Variants in KLB observed in about 807,000 individuals in gnomAD.
The protein encoded by KLB is klotho beta.
KLB carries 44 observed loss-of-function variants against 88.4 expected under a neutral mutation model. The ratio of observed to expected loss-of-function variants is 0.50; its 90% CI spans 0.39 to 0.64. KLB has a LOEUF of 0.64. Ranked by LOEUF, KLB falls within the 30% of genes least tolerant of loss-of-function variation. The pLI, the probability that KLB is intolerant of heterozygous loss-of-function variation, is 0.00. For synonymous variants in KLB, 548 were observed against 513.4 expected (o/e 1.07, Z -0.91); for missense variants, 1,137 against 1,304.8 (o/e 0.87, Z 1.98).
intron 1 of KLB, among the ~76,000 whole-genome samples, chr4:39,413,813 A>C (rs937635518): frequency 6.6e-6 from 1 of 152,202 alleles, no homozygotes; most frequent in Non-Finnish European, 1.5e-5. Flanking sequence ...CATGACTTTA[A>C]AAATCTTTGT....
chr4:39,447,244 C>G lies in KLB; in HGVS notation c.2518C>G (p.Arg840Gly). The change falls in exon 4 of 5, where the codon CGC becomes GGC. Residue 840 changes from arginine (R) to glycine (G), a missense_variant. Coordinates refer to ENST00000257408, the MANE Select transcript of KLB (RefSeq NM_175737.4). Reference protein sequence around the residue: ...FVMHEQLAGSRYDSDRDIQFL... With the variant: ...FVMHEQLAGSGYDSDRDIQFL... ...GATGCACGAGCAGCTGGCCGGCAGC[C>G]GCTACGACTCGGACAGGGACATCCA... 6.2e-7 allele frequency: 1 copy of G among 1,614,104 alleles called. No individual in the cohort carries two copies. Among genetic ancestry groups the G allele is most frequent in the Non-Finnish European group, 8.5e-7 (1 of 1,180,028 alleles).
Position 39,446,215 on chromosome 4 carries a change from G to T in KLB, c.1606-117G>T. On this transcript the variant is annotated intron_variant, in intron 3 of 4. Coordinates refer to ENST00000257408, the MANE Select transcript of KLB (RefSeq NM_175737.4). This position sits in a 1 kb window ranked among gnomAD's most constrained non-coding sequence, Gnocchi z 6.4. ...TCTCCTTGGGAGATTTCAAGGGCTG[G>T]AATAGGCCTGGCGTGGTGGCCTGTA... 1.2e-6 allele frequency: 1 copy of T among 865,146 alleles called. No homozygotes were observed. Among genetic ancestry groups the T allele is most frequent in the Admixed American group, 2.7e-5 (1 of 37,698 alleles). 53.6% of individuals were successfully genotyped at this position (865,146 alleles called of 1,614,324 possible). A position where few individuals can be genotyped will look rare whatever the true frequency, so the allele number is the denominator to read the frequency against.
chr4:39,430,918 T>G (rs983412748), intron 1 of KLB, among the ~76,000 whole-genome samples: 2 of 148,178 alleles, frequency 1.3e-5, no homozygotes, highest in African/African-American at 5.0e-5. Context: ...TTGGAAAGTT[T>G]TTTTTTTTTT....
intron 1 of KLB, among the ~76,000 whole-genome samples, chr4:39,433,848 A>G (rs1412997106): frequency 6.6e-6 from 1 of 152,156 alleles, no homozygotes; most frequent in Non-Finnish European, 1.5e-5. Context: ...CGACAGAGAA[A>G]GACTCTGTCT....
In KLB at chr4:39,434,242, A is replaced by C. The variant is rs760427180; in HGVS notation, c.858A>C (p.Thr286=). ...CGAAAGTTTGGCATAACTACAACAC[A>C]CATTTCCGCCCACATCAGAAGGGTT... The part of the protein sequence containing the change: ...AHSKVWHNYN[T]HFRPHQKGWL... Residue 286 remains threonine, a synonymous_variant, in exon 2 of 5, where the codon ACA becomes ACC. Coordinates refer to ENST00000257408, the MANE Select transcript of KLB (RefSeq NM_175737.4). 1 of 1,612,068 alleles carries C rather than the reference A, an allele frequency of 6.2e-7. No individual in the cohort carries two copies. Among genetic ancestry groups the C allele is most frequent in the Non-Finnish European group, 8.5e-7 (1 of 1,179,154 alleles).
chr4:39,447,465 G>T lies in KLB; in HGVS notation c.2739G>T (p.Glu913Asp). 6.4e-7 allele frequency: 1 copy of T among 1,574,286 alleles called. No homozygotes were observed. The change falls in exon 4 of 5, where the codon GAG becomes GAT. Residue 913 changes from glutamate (E) to aspartate (D), a missense_variant. By Grantham distance (45) the Glu-to-Asp change is conservative. Coordinates refer to ENST00000257408, the MANE Select transcript of KLB (RefSeq NM_175737.4). ...ACTACCTAGGGAAGTACCTTCAGGA[G>T]GTGCTGAAAGGTAAGGGCGGGGCCC... is the stretch of plus-strand genomic sequence containing the variant. ...RKYYLGKYLQ[E>D]VLKAYLIDKV...
chr4:39,443,759 A>C (rs59384595), intron 3 of KLB, among the ~76,000 whole-genome samples: 1 of 45,350 alleles, frequency 2.2e-5, no homozygotes, highest in Non-Finnish European at 5.4e-5. Flanking sequence ...AGACTTTGTC[A>C]AAAAAAAAAA....
intron 1 of KLB, among the ~76,000 whole-genome samples, chr4:39,414,862 C>CTT (rs1742934756): frequency 7.6e-6 from 1 of 131,276 alleles, no homozygotes; most frequent in African/African-American, 3.0e-5. Flanking sequence ...GAGCAAGACT[C>CTT]TGTCTCAGGA....
Position 39,447,169 on chromosome 4 carries a change from A to T in KLB, c.2443A>T (p.Lys815Ter). The change falls in exon 4 of 5, where the codon AAG becomes TAG. Residue 815 changes from lysine to a stop codon, truncating the protein, a stop_gained. Transcript: ENST00000257408. LOFTEE classifies it high-confidence loss of function. ...RLTEAERRLL[K>*]GTVDFCALNH... ...CACCGAGGCCGAAAGGAGGCTGCTCAAGGGCACGGTCGACTTCTGCGCGCT... is the reference window on the plus strand; with the variant it reads ...CACCGAGGCCGAAAGGAGGCTGCTCTAGGGCACGGTCGACTTCTGCGCGCT... 6.2e-7 allele frequency: 1 copy of T among 1,613,824 alleles called. No individual in the cohort carries two copies. The highest frequency in any genetic ancestry group is 8.5e-7 in the Non-Finnish European group (1 of 1,180,038).
At chr4:39,413,393 C>G (rs545690484) in intron 1 of KLB, among the ~76,000 whole-genome samples, 2 of 152,178 alleles carry the variant, frequency 1.3e-5, no homozygotes, top group East Asian at 3.9e-4. Flanking sequence ...GAGACAATAA[C>G]TCATTCTGTT....
At position 39,446,417 on chromosome 4, in the gene KLB, T is replaced by A. The variant is rs1452535819; in HGVS notation, c.1691T>A (p.Val564Glu). Residue 564 changes from valine (V) to glutamate (E), a missense_variant, in exon 4 of 5, where the codon GTG becomes GAG. By Grantham distance (121) the Val-to-Glu change is moderately radical. Transcript: ENST00000257408. This position sits in a 1 kb window ranked among gnomAD's most constrained non-coding sequence, Gnocchi z 6.4. ...ACTGGCAACAGACTGTTGCACCGAG[T>A]GGAAGGGGTGAGGCTGAAAACACGA... Reference protein sequence around the residue: ...NATGNRLLHRVEGVRLKTRPA... With the variant: ...NATGNRLLHREEGVRLKTRPA... 1 of 1,613,896 alleles carries A rather than the reference T, an allele frequency of 6.2e-7. No homozygotes were observed. Among genetic ancestry groups the A allele is most frequent in the Non-Finnish European group, 8.5e-7 (1 of 1,179,990 alleles).
Position 39,437,894 on chromosome 4 carries a change from A to T in KLB, c.1504A>T (p.Ile502Phe). 1 of 1,614,202 alleles carries T rather than the reference A, an allele frequency of 6.2e-7. No homozygotes were observed. Among genetic ancestry groups the T allele is most frequent in the Non-Finnish European group, 8.5e-7 (1 of 1,180,030 alleles). Residue 502 changes from isoleucine to phenylalanine, a missense_variant, in exon 3 of 5, where the codon ATC becomes TTC. By Grantham distance (21) the Ile-to-Phe change is conservative. Coordinates refer to ENST00000257408, the MANE Select transcript of KLB (RefSeq NM_175737.4). ...GTCTTCAGCACACTACTACAAACAG[A>T]TCATACGAGAAAATGGTTTTTCTTT... ...PKSSAHYYKQ[I>F]IRENGFSLKE...
At chr4:39,425,835 G>T (rs1743195918) in intron 1 of KLB, among the ~76,000 whole-genome samples, 5 of 152,074 alleles carry the variant, frequency 3.3e-5, no homozygotes, top group Non-Finnish European at 7.4e-5. Flanking sequence ...ACATGAATTT[G>T]GGCCAGGCGC....
At chr4:39,415,074 G>A (rs1238912797) in intron 1 of KLB, among the ~76,000 whole-genome samples, 3 of 151,556 alleles carry the variant, frequency 2.0e-5, no homozygotes, top group African/African-American at 7.3e-5. Context: ...CACCACTCAC[G>A]GCTAATTTTT....
chr4:39,437,887 C>T lies in KLB; in HGVS notation c.1497C>T (p.Tyr499=). ...ERKPKSSAHY[Y]KQIIRENGFS... ...AACCTAAGTCTTCAGCACACTACTA[C>T]AAACAGATCATACGAGAAAATGGTT... The change falls in exon 3 of 5, where the codon TAC becomes TAT. Residue 499 remains tyrosine, a synonymous_variant. Coordinates refer to ENST00000257408, the MANE Select transcript of KLB (RefSeq NM_175737.4). The T allele has an allele frequency of 6.2e-7, 1 of 1,614,172 alleles. No individual in the cohort carries two copies. Among genetic ancestry groups the T allele is most frequent in the Non-Finnish European group, 8.5e-7 (1 of 1,180,016 alleles).
At chr4:39,417,470 C>T (rs1422461047) in intron 1 of KLB, among the ~76,000 whole-genome samples, 1 of 152,092 alleles carries the variant, frequency 6.6e-6, no homozygotes, top group Non-Finnish European at 1.5e-5. Context: ...TACACCGCCA[C>T]GCCTGGCTAA....
chr4:39,416,273 G>A (rs1376791497), intron 1 of KLB, among the ~76,000 whole-genome samples: 1 of 151,888 alleles, frequency 6.6e-6, no homozygotes, highest in Non-Finnish European at 1.5e-5. Flanking sequence ...GTGTTTATGA[G>A]GGTTTATTAT....
At chr4:39,416,929 A>T (rs746508533) in intron 1 of KLB, among the ~76,000 whole-genome samples, 34 of 152,182 alleles carry the variant, frequency 2.2e-4, no homozygotes, top group Non-Finnish European at 4.9e-4. Flanking sequence ...CATTTAAGTA[A>T]ACAAAATGTC....
chr4:39,431,297 G>A (rs1317058020), intron 1 of KLB, among the ~76,000 whole-genome samples: 2 of 151,794 alleles, frequency 1.3e-5, no homozygotes, highest in Admixed American at 6.6e-5. Flanking sequence ...AGGCTGGAGT[G>A]CAATGTCACG....
Sources: gnomAD v4.1 joint callset for allele counts (sites outside exome capture counted in the v4.1 genomes callset) on GRCh38, gnomAD v4.1.1 for gene constraint, Gnocchi (gnomAD v3.1) non-coding constraint, MANE v1.5 for transcripts, NCBI Gene and HGNC (gene_info 2026-07-23, HGNC 2026-07-21) for gene names.